ANKRD45: variants seen among roughly 807,000 people sequenced by gnomAD.
The protein encoded by ANKRD45 is ankyrin repeat domain 45, also known as ankyrin repeat domain-containing protein 45.
ANKRD45 carries 21 observed loss-of-function variants against 28.1 expected under a neutral mutation model. That is an observed-to-expected ratio of 0.75 (90% CI 0.53 to 1.08). The LOEUF is 1.08. ANKRD45 is among the 50% of genes least tolerant of loss of function. ANKRD45 has a pLI of 0.00. For missense variants in ANKRD45, 261 were observed against 308.7 expected (o/e 0.85, Z 1.16); for synonymous variants, 86 against 103.9 (o/e 0.83, Z 1.05).
intron 5 of ANKRD45, among the ~76,000 whole-genome samples, chr1:173,611,660 C>T (rs138346961): frequency 1.8e-3 from 277 of 151,142 alleles, no homozygotes; most frequent in Admixed American, 4.8e-3. Context: ...CAGAACTAAA[C>T]ATTAGTGCTA....
At chr1:173,705,231 G>C in the ANKRD45 span, among the ~76,000 whole-genome samples, 92 of 151,764 alleles carry the variant, frequency 6.1e-4, no homozygotes, top group Middle Eastern at 3.2e-3. Flanking sequence ...ACATAGTTAG[G>C]TCCATTTATT....
chr1:173,669,848 T>C lies in ANKRD45; in HGVS notation c.-47A>G, dbSNP rs531660228. On this transcript the variant is annotated 5_prime_UTR_variant, in exon 1 of 6. The change abolishes an upstream ATG in the 5' untranslated region. Transcript: ENST00000333279. ...CGGGCCCCGGCCTCCTCGGTTACCA[T>C]AGCAACGGCGCAACACGCGAGGCAG... The C allele has an allele frequency of 8.0e-4, 136 of 170,022 alleles. 1 individual carries two copies. Among genetic ancestry groups the C allele is most frequent in the Admixed American group, 7.9e-3 (122 of 15,368 alleles). The allele number at this position is 170,022 out of a possible 1,614,324, so 10.5% of individuals were successfully genotyped here. A position where few individuals can be genotyped will look rare whatever the true frequency, so the allele number is the denominator to read the frequency against.
At chr1:173,659,936 T>C (rs1669706977) in intron 1 of ANKRD45, among the ~76,000 whole-genome samples, 2 of 152,174 alleles carry the variant, frequency 1.3e-5, no homozygotes, top group South Asian at 4.1e-4. Context: ...TTTCCTACCT[T>C]CAACAAGTTA....
In ANKRD45 at chr1:173,655,120, C is replaced by G. The variant is rs866568033; in HGVS notation, c.328+3971G>C. 5.9e-5 allele frequency among the ~76,000 whole-genome samples: 9 copies of G among 152,284 alleles called. No homozygotes were observed. The South Asian group carries it at 1.2e-3, about 21-fold the overall frequency. The stretch of plus-strand genomic sequence containing the variant: ...TCTGTCAACTCATCAAAGTCATTCT[C>G]CGTCCAGCTTTGTTCCGTTGCTGGT... On this transcript the variant is annotated intron_variant, in intron 2 of 5. Transcript: ENST00000333279.
At chr1:173,624,453 C>T (rs1364601319) in intron 5 of ANKRD45, among the ~76,000 whole-genome samples, 1 of 151,150 alleles carries the variant, frequency 6.6e-6, no homozygotes, top group Non-Finnish European at 1.5e-5. Flanking sequence ...CACCACTGCA[C>T]CCCAGCCTGG....
At chr1:173,627,297 A>C in intron 3 of ANKRD45, 138 bp from the exon 4 acceptor site, 1 of 621,968 alleles carries the variant, frequency 1.6e-6, no homozygotes, top group Non-Finnish European at 2.8e-6. Flanking sequence ...AAAAAGCACC[A>C]ACATGAGAAC....
chr1:173,649,637 A>G (rs1374897225), intron 2 of ANKRD45, among the ~76,000 whole-genome samples: 2 of 152,096 alleles, frequency 1.3e-5, no homozygotes, highest in Admixed American at 6.5e-5. Context: ...TCTTTTATGC[A>G]GAGTTTAAAA....
upstream of ANKRD45, among the ~76,000 whole-genome samples, chr1:173,674,296 G>A (rs1041574160): frequency 2.0e-5 from 3 of 151,914 alleles, no homozygotes; most frequent in Non-Finnish European, 4.4e-5. Flanking sequence ...TTACAGGCAC[G>A]AGCCACTGCA....
chr1:173,695,492 T>A, the ANKRD45 span, among the ~76,000 whole-genome samples: 13 of 152,154 alleles, frequency 8.5e-5, no homozygotes, highest in African/African-American at 2.7e-4. Flanking sequence ...ACTTAGGATA[T>A]TGGCTTGGAC....
chr1:173,699,920 C>A, the ANKRD45 span, among the ~76,000 whole-genome samples: 1 of 152,172 alleles, frequency 6.6e-6, no homozygotes, highest in Non-Finnish European at 1.5e-5. Context: ...ATTTAGAAAA[C>A]CGCATCATCT....
chr1:173,686,115 C>CAGCCTGAGG, the ANKRD45 span, among the ~76,000 whole-genome samples: 1 of 152,016 alleles, frequency 6.6e-6, no homozygotes, highest in Non-Finnish European at 1.5e-5. Flanking sequence ...CACTAATGTC[C>CAGCCTGAGG]AGCCTGAGGA....
At chr1:173,655,585 T>G (rs12079027) in intron 2 of ANKRD45, among the ~76,000 whole-genome samples, 25,899 of 152,184 alleles carry the variant, frequency 0.17, 7,340 homozygotes, top group African/African-American at 0.59. Context: ...AGGCAGTGTG[T>G]CCGTTCTCAG....
chr1:173,621,802 G>C (rs1033683946), intron 5 of ANKRD45, among the ~76,000 whole-genome samples: 3 of 152,142 alleles, frequency 2.0e-5, no homozygotes, highest in African/African-American at 7.2e-5. Context: ...GGAAATTCTG[G>C]CTAGGGAAAT....
intron 3 of ANKRD45, chr1:173,635,843 A>G (rs1186608849): frequency 7.2e-6 from 11 of 1,525,536 alleles, no homozygotes; most frequent in Non-Finnish European, 9.6e-6. Context: ...ACACCAAAAA[A>G]AGGTGAATTC....
chr1:173,622,625 C>A (rs1667752223), intron 5 of ANKRD45, among the ~76,000 whole-genome samples: 2 of 152,054 alleles, frequency 1.3e-5, no homozygotes, highest in African/African-American at 2.4e-5. Context: ...TGAAACTGGA[C>A]CCCTTCCTTA....
chr1:173,634,150 A>AT (rs1472475458), intron 3 of ANKRD45, among the ~76,000 whole-genome samples: 3 of 151,938 alleles, frequency 2.0e-5, no homozygotes, highest in African/African-American at 7.2e-5. Flanking sequence ...TAATAATCCT[A>AT]TTTTTTTAAA....
the ANKRD45 span, among the ~76,000 whole-genome samples, chr1:173,701,037 A>C: frequency 4.6e-5 from 7 of 152,242 alleles, no homozygotes; most frequent in Non-Finnish European, 1.0e-4. Context: ...TCAAAAGAAG[A>C]CATTTCTGCA....
the ANKRD45 span, among the ~76,000 whole-genome samples, chr1:173,712,002 A>G: frequency 1.1e-4 from 16 of 152,334 alleles, no homozygotes; most frequent in African/African-American, 3.6e-4. Context: ...TATACCATAT[A>G]GTAACATTTT....
At chr1:173,706,969 T>C in the ANKRD45 span, among the ~76,000 whole-genome samples, 2 of 152,170 alleles carry the variant, frequency 1.3e-5, no homozygotes, top group Non-Finnish European at 2.9e-5. Flanking sequence ...TTCAGATTTT[T>C]GCCTACTTTA....
Sources: gnomAD v4.1 joint callset for allele counts (sites outside exome capture counted in the v4.1 genomes callset) on GRCh38, gnomAD v4.1.1 for gene constraint, MANE v1.5 for transcripts, NCBI Gene and HGNC (gene_info 2026-07-23, HGNC 2026-07-21) for gene names.